Variants in ZCCHC8 observed in about 807,000 individuals in gnomAD.
ZCCHC8 encodes zinc finger CCHC-type containing 8.
A neutral mutation model predicts 70.6 loss-of-function variants in ZCCHC8; 27 were observed. The observed-to-expected ratio is 0.38, with a 90% CI of 0.28 to 0.53. The LOEUF is 0.53. Among genes scored for constraint, ZCCHC8 ranks in the 20% least tolerant of loss-of-function variants. The pLI is 0.81. For missense variants in ZCCHC8, 737 were observed against 876.9 expected, an observed-to-expected ratio of 0.84 and a Z score of 2.01; for synonymous variants, 293 against 317.4, an observed-to-expected ratio of 0.92 and a Z score of 0.82.
At position 122,489,457 on chromosome 12, in the gene ZCCHC8, T is replaced by G; in HGVS notation, c.430A>C (p.Ser144Arg). 1 of 1,613,608 alleles carries G rather than the reference T, an allele frequency of 6.2e-7. No individual in the cohort carries two copies. Among genetic ancestry groups the G allele is most frequent in the Non-Finnish European group, 8.5e-7 (1 of 1,179,726 alleles). ...TTGTGGTCCTCCTCTAGCACAATAC[T>G]GGATGGCTAATACAAAGAAAAACAC... Reference protein sequence around the residue: ...TSFNLLPQPSSIVLEEDHKVE... With the variant: ...TSFNLLPQPSRIVLEEDHKVE... Residue 144 changes from serine to arginine, a missense_variant, in exon 5 of 14, where the codon AGT becomes CGT. Ser to Arg is a moderately radical substitution (Grantham distance 110). Coordinates refer to ENST00000633063, the MANE Select transcript of ZCCHC8 (RefSeq NM_017612.5).
chr12:122,497,716 T>C (rs554151317), intron 2 of ZCCHC8, among the ~76,000 whole-genome samples: 2 of 152,052 alleles, frequency 1.3e-5, no homozygotes, highest in East Asian at 3.9e-4. Context: ...TCTGTTAAAG[T>C]TAGGTGCCTA....
intron 11 of ZCCHC8, among the ~76,000 whole-genome samples, chr12:122,479,866 T>C (rs1957496264): frequency 6.6e-6 from 1 of 152,228 alleles, no homozygotes; most frequent in Non-Finnish European, 1.5e-5. Flanking sequence ...TAACTAATTA[T>C]TTTTTGAGAC....
chr12:122,486,358 A>C (rs1487814593), intron 5 of ZCCHC8, among the ~76,000 whole-genome samples: 1 of 144,984 alleles, frequency 6.9e-6, no homozygotes, highest in East Asian at 2.2e-4. Flanking sequence ...GGTTGCAGTA[A>C]GCTGAGATTG....
At chr12:122,478,373 C>T in intron 11 of ZCCHC8, 81 bp from the exon 12 acceptor site, 1 of 899,066 alleles carries the variant, frequency 1.1e-6, no homozygotes. Flanking sequence ...AAAGGAGGTA[C>T]AGTGGAGATC....
chr12:122,480,325 T>A lies in ZCCHC8; in HGVS notation c.1019-14A>T. The A allele has an allele frequency of 6.3e-7, 1 of 1,596,688 alleles. No individual in the cohort carries two copies. The highest frequency in any genetic ancestry group is 8.5e-7 in the Non-Finnish European group (1 of 1,171,428). On this transcript the variant is annotated splice_polypyrimidine_tract_variant and intron_variant, in intron 10 of 13. Coordinates refer to ENST00000633063, the MANE Select transcript of ZCCHC8 (RefSeq NM_017612.5). Reference sequence around the variant, plus strand: ...CATCAGTGCCATCTATTACAGACCATAAAAAGTGTTAATATTGCTAAATGT... The same window carrying A: ...CATCAGTGCCATCTATTACAGACCAAAAAAAGTGTTAATATTGCTAAATGT...
intron 2 of ZCCHC8, among the ~76,000 whole-genome samples, chr12:122,497,053 A>G (rs1386298944): frequency 3.3e-5 from 5 of 152,070 alleles, no homozygotes; most frequent in Non-Finnish European, 4.4e-5. Context: ...AGGCTGAGGC[A>G]GGAGAAAGCA....
At chr12:122,481,373 T>C (rs1957530068) in intron 10 of ZCCHC8, 149 bp downstream of exon 10, 2 of 1,085,016 alleles carry the variant, frequency 1.8e-6, no homozygotes, top group Non-Finnish European at 2.6e-6. Context: ...TCCTTCCTTG[T>C]AAAATTTACC....
intron 5 of ZCCHC8, among the ~76,000 whole-genome samples, chr12:122,484,553 T>C (rs545989098): frequency 7.0e-4 from 106 of 151,396 alleles, no homozygotes; most frequent in African/African-American, 2.4e-3. Context: ...GTTGTGTCAC[T>C]ACACACAGCT....
chr12:122,478,008 T>G (rs553209328), intron 12 of ZCCHC8, 50 bp from the exon 13 acceptor site: 1 of 1,395,872 alleles, frequency 7.2e-7, no homozygotes, highest in African/African-American at 1.4e-5. Flanking sequence ...AGATAATGAA[T>G]TAAACTCCAT....
In ZCCHC8 at chr12:122,500,642, T is replaced by A; in HGVS notation, c.199A>T (p.Asn67Tyr). Residue 67 changes from asparagine (N) to tyrosine (Y), a missense_variant and splice_region_variant, in exon 1 of 14, where the codon AAT (asparagine) becomes TAT (tyrosine). By Grantham distance (143) the Asn-to-Tyr change is moderately radical (BLOSUM62 -2). Coordinates refer to ENST00000633063, the MANE Select transcript of ZCCHC8 (RefSeq NM_017612.5). This position sits in a 1 kb window ranked among gnomAD's most constrained non-coding sequence, Gnocchi z 4.8. ...EETIEQLRAE[N>Y]QELKRKLNIL... ...AGGGCCCAGCGAGAGGAAAGGATAT[T>A]CTCGGCGCGGAGCTGCTCGATGGTC... The A allele has an allele frequency of 6.4e-7, 1 of 1,567,864 alleles. No homozygotes were observed. The highest frequency in any genetic ancestry group is 8.6e-7 in the Non-Finnish European group (1 of 1,158,508).
At position 122,478,266 on chromosome 12, in the gene ZCCHC8, T is replaced by C; in HGVS notation, c.1167A>G (p.Pro389=). The change falls in exon 12 of 14, where the codon CCA becomes CCG. Residue 389 remains proline (P), a synonymous_variant. Coordinates refer to ENST00000633063, the MANE Select transcript of ZCCHC8 (RefSeq NM_017612.5). The stretch of plus-strand genomic sequence containing the variant: ...CATCCTTCTGCTGACATGCCTGCAT[T>C]GGTATGGAACCAAAGATCCTCCATT... ...PDEWRIFGSI[P]MQACQQKDVF... is the part of the protein sequence containing the mutation. The C allele has an allele frequency of 6.2e-7, 1 of 1,601,250 alleles. No homozygotes were observed. Among genetic ancestry groups the C allele is most frequent in the African/African-American group, 1.3e-5 (1 of 74,770 alleles).
At position 122,492,703 on chromosome 12, in the gene ZCCHC8, A is replaced by G. The variant is rs1218708781; in HGVS notation, c.317+12T>C. Reference sequence around the variant, plus strand: ...ACATTATTATATTTAGGAAAGGGAAAAAATTACTTACTTTGAAATAGCATT... The same window carrying G: ...ACATTATTATATTTAGGAAAGGGAAGAAATTACTTACTTTGAAATAGCATT... On this transcript the variant is annotated intron_variant, in intron 3 of 13. Coordinates refer to ENST00000633063, the MANE Select transcript of ZCCHC8 (RefSeq NM_017612.5). The G allele has an allele frequency of 6.7e-7, 1 of 1,497,894 alleles. No individual in the cohort carries two copies. The allele number at this position is 1,497,894 out of a possible 1,614,324, so 92.8% of individuals were successfully genotyped here. A position where few individuals can be genotyped will look rare whatever the true frequency, so the allele number is the denominator to read the frequency against.
chr12:122,482,666 G>A lies in ZCCHC8; in HGVS notation c.701C>T (p.Ser234Phe), dbSNP rs779422735. The A allele has an allele frequency of 6.8e-6, 11 of 1,607,502 alleles. No homozygotes were observed. The South Asian group carries it at 1.2e-4, about 18-fold the overall frequency. Residue 234 changes from serine to phenylalanine, a missense_variant, in exon 8 of 14, where the codon TCT (serine) becomes TTT (phenylalanine). Transcript: ENST00000633063. ...RPKPHCFNCGSEEHQMKDCPM... is the reference protein window; with the variant it reads ...RPKPHCFNCGFEEHQMKDCPM... Reference sequence around the variant, plus strand: ...GCAATCTTTCATTTGGTGTTCTTCAGAACCACAATTGAAACAGTGAGGCTT... The same window carrying A: ...GCAATCTTTCATTTGGTGTTCTTCAAAACCACAATTGAAACAGTGAGGCTT...
intron 5 of ZCCHC8, among the ~76,000 whole-genome samples, chr12:122,488,416 G>A (rs1445767264): frequency 6.6e-6 from 1 of 151,948 alleles, no homozygotes; most frequent in Non-Finnish European, 1.5e-5. Context: ...CTGGACTCAG[G>A]TAATCCTTCC....
intron 2 of ZCCHC8, among the ~76,000 whole-genome samples, chr12:122,494,104 C>T (rs989765493): frequency 1.3e-5 from 2 of 152,146 alleles, no homozygotes; most frequent in African/African-American, 4.8e-5. Context: ...AAAAACAGAA[C>T]TAGAATGCAG....
intron 5 of ZCCHC8, 39 bp downstream of exon 5, chr12:122,489,347 C>A: frequency 6.3e-7 from 1 of 1,594,500 alleles, no homozygotes; most frequent in Non-Finnish European, 8.6e-7. Flanking sequence ...ATAGGAAACA[C>A]CTATTGGCTG....
At chr12:122,476,691 CA>C (rs1252664735) in intron 13 of ZCCHC8, among the ~76,000 whole-genome samples, 2 of 152,010 alleles carry the variant, frequency 1.3e-5, no homozygotes, top group East Asian at 3.9e-4. Context: ...ACCCTGGTGA[CA>C]GGGGTGCCAC....
chr12:122,482,890 T>C, intron 7 of ZCCHC8, 195 bp from the exon 8 acceptor site: 1 of 551,928 alleles, frequency 1.8e-6, no homozygotes, highest in Non-Finnish European at 3.1e-6. Flanking sequence ...CAGAGTCTTT[T>C]AACCAAGAAC....
At chr12:122,484,250 T>C (rs1051200548) in intron 5 of ZCCHC8, 2 of 151,968 alleles carry the variant, frequency 1.3e-5, no homozygotes, top group Non-Finnish European at 2.9e-5. Context: ...GGTCAGCTAT[T>C]TTTTTGCCCA....
Sources: gnomAD v4.1 joint callset for allele counts (sites outside exome capture counted in the v4.1 genomes callset) on GRCh38, gnomAD v4.1.1 for gene constraint, Gnocchi (gnomAD v3.1) non-coding constraint, MANE v1.5 for transcripts, NCBI Gene and HGNC (gene_info 2026-07-23, HGNC 2026-07-21) for gene names.